The following MRTFA variants were observed in gnomAD, a reference collection of about 807,000 sequenced individuals.
The protein encoded by MRTFA is myocardin-related transcription factor A.
In MRTFA, 20 loss-of-function variants were observed where a neutral mutation model predicts 83.5. The observed-to-expected ratio is 0.24, with a 90% confidence interval of 0.17 to 0.35. The LOEUF (loss-of-function observed/expected upper bound fraction) is 0.35. Ranked by LOEUF, MRTFA falls within the 10% of genes least tolerant of loss-of-function variation. The pLI, the probability that MRTFA is intolerant of heterozygous loss-of-function variation, is 1.00. For synonymous variants in MRTFA, 659 were observed against 541.2 expected (o/e 1.22, Z -3.02); for missense variants, 1,200 against 1,224.7 (o/e 0.98, Z 0.30).
chr22:40,426,556 C>T (rs2052958188), intron 7 of MRTFA, among the ~76,000 whole-genome samples: 1 of 152,150 alleles, frequency 6.6e-6, no homozygotes, highest in Non-Finnish European at 1.5e-5. Flanking sequence ...CACCCCATTG[C>T]CAAATTCCTC....
At chr22:40,626,846 C>A (rs1353465745) in intron 1 of MRTFA, among the ~76,000 whole-genome samples, 1 of 146,870 alleles carries the variant, frequency 6.8e-6, no homozygotes, top group Non-Finnish European at 1.5e-5. Flanking sequence ...GCCTGTGTAT[C>A]AGAATGAGAC....
intron 3 of MRTFA, among the ~76,000 whole-genome samples, chr22:40,510,211 A>C (rs1325107922): frequency 2.0e-5 from 3 of 152,166 alleles, no homozygotes; most frequent in Non-Finnish European, 2.9e-5. Context: ...ACTAAAGTAA[A>C]GTGATTGAAT....
At chr22:40,617,994 C>A (rs2056474160) in intron 1 of MRTFA, among the ~76,000 whole-genome samples, 1 of 151,788 alleles carries the variant, frequency 6.6e-6, no homozygotes, top group South Asian at 2.1e-4. Flanking sequence ...AGATGAATGT[C>A]AAGTGGTAAT....
At chr22:40,578,718 T>A (rs1000040486) in intron 2 of MRTFA, among the ~76,000 whole-genome samples, 5 of 151,930 alleles carry the variant, frequency 3.3e-5, no homozygotes, top group African/African-American at 1.2e-4. Context: ...GCCTAGGAGT[T>A]CGAGAAACAT....
chr22:40,473,786 T>C (rs1385940214), intron 3 of MRTFA, among the ~76,000 whole-genome samples: 1 of 152,230 alleles, frequency 6.6e-6, no homozygotes, highest in Non-Finnish European at 1.5e-5. Flanking sequence ...GTATTTTACA[T>C]TATATTTATC....
At chr22:40,441,628 A>G (rs1023455861) in intron 4 of MRTFA, among the ~76,000 whole-genome samples, 2 of 151,926 alleles carry the variant, frequency 1.3e-5, no homozygotes, top group Non-Finnish European at 2.9e-5. Flanking sequence ...CACTACTAAA[A>G]ATACAAAAAT....
At chr22:40,521,129 C>T (rs1425666746) in intron 3 of MRTFA, among the ~76,000 whole-genome samples, 4 of 152,126 alleles carry the variant, frequency 2.6e-5, no homozygotes, top group Non-Finnish European at 4.4e-5. Flanking sequence ...ACTCAGTTCC[C>T]TCCAATGATA....
At chr22:40,486,971 A>C (rs57478028) in intron 3 of MRTFA, among the ~76,000 whole-genome samples, 13,883 of 152,204 alleles carry the variant, frequency 0.091, 697 homozygotes, top group East Asian at 0.12. Flanking sequence ...AGACTGTCTC[A>C]AAAAACAAAA....
At chr22:40,543,044 C>A (rs1279480666) in intron 3 of MRTFA, among the ~76,000 whole-genome samples, 1 of 152,100 alleles carries the variant, frequency 6.6e-6, no homozygotes, top group Non-Finnish European at 1.5e-5. Flanking sequence ...AATTGATTAT[C>A]TCTAAGTACT....
intron 3 of MRTFA, among the ~76,000 whole-genome samples, chr22:40,494,582 A>G: frequency 6.6e-6 from 1 of 151,928 alleles, no homozygotes; most frequent in Non-Finnish European, 1.5e-5. Context: ...TCAGGAGGCT[A>G]AGGTAGGAGC....
In MRTFA at chr22:40,416,699, G is replaced by T. The variant is rs1019763203; in HGVS notation, c.2578+287C>A. 6.6e-6 allele frequency among the ~76,000 whole-genome samples: 1 copy of T among 152,114 alleles called. No individual in the cohort carries two copies. The highest frequency in any genetic ancestry group is 1.5e-5 in the Non-Finnish European group (1 of 68,020). ...GATCTGCTTATTTCTTATATTTGTT[G>T]TCCACCTCCCCAGGCTGCACTGTGA... On this transcript the variant is annotated intron_variant, in intron 14 of 14. Transcript: ENST00000355630. This position sits in a 1 kb window ranked among gnomAD's most constrained non-coding sequence, Gnocchi z 4.2.
intron 2 of MRTFA, among the ~76,000 whole-genome samples, chr22:40,580,530 T>C (rs991363437): frequency 2.0e-5 from 3 of 152,194 alleles, no homozygotes; most frequent in Non-Finnish European, 4.4e-5. Flanking sequence ...TGAAAGTTTA[T>C]TTAAAATACA....
chr22:40,470,686 C>T (rs1448127663), intron 3 of MRTFA, among the ~76,000 whole-genome samples: 3 of 152,080 alleles, frequency 2.0e-5, no homozygotes, highest in Non-Finnish European at 2.9e-5. Context: ...TGGTAGCTCA[C>T]GCCTGTAATC....
intron 4 of MRTFA, among the ~76,000 whole-genome samples, chr22:40,448,233 C>T (rs879804710): frequency 2.6e-5 from 4 of 152,218 alleles, no homozygotes; most frequent in Non-Finnish European, 5.9e-5. Context: ...TCGCTTGAAC[C>T]CGGGTAGCGG....
At chr22:40,457,404 A>G (rs1338188213) in intron 4 of MRTFA, among the ~76,000 whole-genome samples, 3 of 148,696 alleles carry the variant, frequency 2.0e-5, no homozygotes, top group Non-Finnish European at 3.0e-5. Context: ...GAAAGAAAGA[A>G]AGAGAGAGAG....
chr22:40,481,314 C>T (rs949340165), intron 3 of MRTFA, among the ~76,000 whole-genome samples: 7 of 152,026 alleles, frequency 4.6e-5, no homozygotes, highest in Admixed American at 3.9e-4. Flanking sequence ...TCTTTTCGGG[C>T]ACTAGGAAGA....
At chr22:40,622,633 G>A (rs1664604688) in intron 1 of MRTFA, among the ~76,000 whole-genome samples, 1 of 152,168 alleles carries the variant, frequency 6.6e-6, no homozygotes, top group African/African-American at 2.4e-5. Flanking sequence ...AAGTGACGCT[G>A]CCACAAGCCA....
At chr22:40,622,203 C>T (rs187350517) in intron 1 of MRTFA, among the ~76,000 whole-genome samples, 28 of 152,144 alleles carry the variant, frequency 1.8e-4, no homozygotes, top group African/African-American at 6.3e-4. Flanking sequence ...ATTTTGGGGC[C>T]GGGCGCGGTG....
At chr22:40,441,887 A>G (rs2053284007) in intron 4 of MRTFA, among the ~76,000 whole-genome samples, 2 of 151,914 alleles carry the variant, frequency 1.3e-5, no homozygotes, top group African/African-American at 4.8e-5. Flanking sequence ...ATAGCAAAGG[A>G]GGAGCTCAGT....
Sources: gnomAD v4.1 joint callset for allele counts (sites outside exome capture counted in the v4.1 genomes callset) on GRCh38, gnomAD v4.1.1 for gene constraint, Gnocchi (gnomAD v3.1) non-coding constraint, MANE v1.5 for transcripts, NCBI Gene and HGNC (gene_info 2026-07-23, HGNC 2026-07-21) for gene names.